Variants in SALL4 observed in about 807,000 individuals in gnomAD.
SALL4 encodes the protein sal-like protein 4.
In SALL4, 4 loss-of-function variants were observed where a neutral mutation model predicts 60.8. The ratio of observed to expected loss-of-function variants is 0.07; its 90% CI spans 0.03 to 0.15. The LOEUF is 0.15. Among genes scored for constraint, SALL4 ranks in the 10% least tolerant of loss-of-function variants. SALL4 has a pLI of 1.00. For synonymous variants in SALL4, 580 were observed against 574.9 expected (o/e 1.01, Z -0.13); for missense variants, 1,178 against 1,394.7 (o/e 0.84, Z 2.48).
At position 51,801,919 on chromosome 20, in the gene SALL4, AGG is replaced by A. The variant is rs11469206; in HGVS notation, c.130+358_130+359del. Reference sequence around the variant, plus strand: ...GCGAGGGAGGGGGACCTAAGTTACAAGGGGGGGGGGTAACACCAGTGAGGGGA... The same window carrying A: ...GCGAGGGAGGGGGACCTAAGTTACAAGGGGGGGGTAACACCAGTGAGGGGA... On this transcript the variant is annotated intron_variant, in intron 1 of 3. Transcript: ENST00000217086. This position sits in a 1 kb window ranked among gnomAD's most constrained non-coding sequence, Gnocchi z 5.2. 0.29 allele frequency among the ~76,000 whole-genome samples: 30,815 copies of A among 105,372 alleles called. 4,238 individuals carry two copies. Among genetic ancestry groups the A allele is most frequent in the East Asian group, 0.48 (1,840 of 3,830 alleles). The allele number at this position is 105,372 out of a possible 152,430, so 69.1% of individuals were successfully genotyped here.
At chr20:51,793,403 G>A (rs990105596) in intron 1 of SALL4, among the ~76,000 whole-genome samples, 3 of 152,016 alleles carry the variant, frequency 2.0e-5, no homozygotes, top group South Asian at 2.1e-4. Context: ...CAGGAGAACC[G>A]CTTGAGCCTG....
chr20:51,798,621 A>G (rs1439196163), intron 1 of SALL4, among the ~76,000 whole-genome samples: 1 of 152,140 alleles, frequency 6.6e-6, no homozygotes, highest in African/African-American at 2.4e-5. Context: ...CAATTTTTCC[A>G]GGGTAGTACA....
chr20:51,784,423 A>T lies in SALL4; in HGVS notation c.3004T>A (p.Leu1002Met), dbSNP rs759801217. The part of the protein sequence containing the change: ...SGGVPTLPVS[L>M]GATSVVNNAT... ...TTATTCACAACGGAGGTGGCCCCCA[A>T]GGAAACCGGGAGGGTAGGAACCCCC... Residue 1002 changes from leucine (L) to methionine (M), a missense_variant, in exon 4 of 4, where the codon TTG (leucine) becomes ATG (methionine). Coordinates refer to ENST00000217086, the MANE Select transcript of SALL4 (RefSeq NM_020436.5). 12 of 1,614,042 alleles carry T rather than the reference A, an allele frequency of 7.4e-6. No individual in the cohort carries two copies. In the South Asian group the frequency reaches 1.3e-4, roughly 18 times the overall value.
At chr20:51,792,608 G>C (rs1469080468) in intron 1 of SALL4, among the ~76,000 whole-genome samples, 1 of 140,044 alleles carries the variant, frequency 7.1e-6, no homozygotes, top group Non-Finnish European at 1.5e-5. Flanking sequence ...AGAATTGCTT[G>C]AACCCAGGAG....
rs1197067829 is a variant in SALL4 at position 51,783,861 on chromosome 20, A to G, written c.*404T>C. ...CATGGTGAAACCCAGTCTCTACTCA[A>G]AATACAAAATTAGCCGGGCGTGGTG... On this transcript the variant is annotated 3_prime_UTR_variant, in exon 4 of 4. Transcript: ENST00000217086. 1.9e-5 allele frequency: 5 copies of G among 261,690 alleles called. No individual in the cohort carries two copies. Among genetic ancestry groups the G allele is most frequent in the Non-Finnish European group, 3.0e-5 (4 of 134,880 alleles). 16.2% of individuals were successfully genotyped at this position (261,690 alleles called of 1,614,324 possible).
At position 51,784,372 on chromosome 20, in the gene SALL4, A is replaced by G. The variant is rs2077975425; in HGVS notation, c.3055T>C (p.Ser1019Pro). 6.2e-7 allele frequency: 1 copy of G among 1,614,078 alleles called. No homozygotes were observed. The highest frequency in any genetic ancestry group is 1.7e-5 in the Admixed American group (1 of 59,982). ...ACATCTGCACTGATACCCGACTGGGAGCCATCCATCTTGGAGACAGTGGCG... is the reference window on the plus strand; with the variant it reads ...ACATCTGCACTGATACCCGACTGGGGGCCATCCATCTTGGAGACAGTGGCG... ...NNATVSKMDG[S>P]QSGISADVEK... The change falls in exon 4 of 4, where the codon TCC becomes CCC. Residue 1019 changes from serine to proline, a missense_variant. By Grantham distance (74) the Ser-to-Pro change is moderately conservative. Around this residue, in one of 5 missense-constraint regions of SALL4, gnomAD observed 174 missense variants for 169.6 expected, o/e 1.03. Coordinates refer to ENST00000217086, the MANE Select transcript of SALL4 (RefSeq NM_020436.5).
At position 51,784,058 on chromosome 20, in the gene SALL4, T is replaced by A. The variant is rs891253888; in HGVS notation, c.*207A>T. On this transcript the variant is annotated 3_prime_UTR_variant, in exon 4 of 4. Coordinates refer to ENST00000217086, the MANE Select transcript of SALL4 (RefSeq NM_020436.5). ...CTGTATTTGTTTTGGTATGCATTTT[T>A]TTTTTATTTTTTCAACTTTTTGCAA... is the stretch of plus-strand genomic sequence containing the variant. The A allele has an allele frequency of 1.6e-5, 10 of 615,634 alleles. No individual in the cohort carries two copies. Among genetic ancestry groups the A allele is most frequent in the Non-Finnish European group, 2.8e-5 (10 of 354,022 alleles). 38.1% of individuals were successfully genotyped at this position (615,634 alleles called of 1,614,324 possible). A position where few individuals can be genotyped will look rare whatever the true frequency, so the allele number is the denominator to read the frequency against.
Position 51,790,795 on chromosome 20 carries a change from G to C in SALL4, c.1688C>G (p.Thr563Ser). 1 of 1,614,178 alleles carries C rather than the reference G, an allele frequency of 6.2e-7. No individual in the cohort carries two copies. Among genetic ancestry groups the C allele is most frequent in the Non-Finnish European group, 8.5e-7 (1 of 1,180,046 alleles). ...GCAAATGAGACATTCGTTGGGATCA[G>C]TGGTGGCCTTGTCAATGTTCTCCAC... The part of the protein sequence containing the change: ...QLVENIDKAT[T>S]DPNECLICHR... The change falls in exon 2 of 4, where the codon ACT becomes AGT. Residue 563 changes from threonine (T) to serine (S), a missense_variant. This residue lies in a region of SALL4 where 853 missense variants were observed against 1,036.8 expected (regional missense o/e 0.82). Coordinates refer to ENST00000217086, the MANE Select transcript of SALL4 (RefSeq NM_020436.5). This position sits in a 1 kb window ranked among gnomAD's most constrained non-coding sequence, Gnocchi z 5.5.
rs769006844 is a variant in SALL4, at chr20:51,801,121, C to T, written c.130+1158G>A. Among the ~76,000 whole-genome samples the T allele has an allele frequency of 2.0e-5, 3 of 152,076 alleles. No homozygotes were observed. The highest frequency in any genetic ancestry group is 4.4e-5 in the Non-Finnish European group (3 of 68,018). ...GGCCGGAGAGGAGGCTACAAATCCC[C>T]CCTCCCCCCACGCGCACGCTAAAAA... On this transcript the variant is annotated intron_variant, in intron 1 of 3. Transcript: ENST00000217086. This position sits in a 1 kb window ranked among gnomAD's most constrained non-coding sequence, Gnocchi z 5.2.
At chr20:51,785,072 G>A (rs2077982338) in intron 3 of SALL4, among the ~76,000 whole-genome samples, 1 of 152,104 alleles carries the variant, frequency 6.6e-6, no homozygotes, top group Non-Finnish European at 1.5e-5. Context: ...GGAAGCTGAG[G>A]TGGGCAGATC....
chr20:51,792,058 T>C lies in SALL4; in HGVS notation c.425A>G (p.Asp142Gly), dbSNP rs1056043687. Reference protein sequence around the residue: ...CHRENGGSSEDMKEKPDAESV... With the variant: ...CHRENGGSSEGMKEKPDAESV... ...CTCCGCATCCGGCTTCTCCTTCATG[T>C]CCTCTGAGCTGCCGCCATTCTCCCT... is the stretch of plus-strand genomic sequence containing the variant. The change falls in exon 2 of 4, where the codon GAC (aspartate) becomes GGC (glycine). Residue 142 changes from aspartate to glycine, a missense_variant. By Grantham distance (94) the Asp-to-Gly change is moderately conservative. Around this residue, in one of 5 missense-constraint regions of SALL4, gnomAD observed 853 missense variants for 1,036.8 expected, o/e 0.82. Coordinates refer to ENST00000217086, the MANE Select transcript of SALL4 (RefSeq NM_020436.5). 24 of 1,614,052 alleles carry C rather than the reference T, an allele frequency of 1.5e-5. No homozygotes were observed. The highest frequency in any genetic ancestry group is 1.8e-5 in the Non-Finnish European group (21 of 1,180,032).
At position 51,790,914 on chromosome 20, in the gene SALL4, C is replaced by T; in HGVS notation, c.1569G>A (p.Gly523=). 6.2e-7 allele frequency: 1 copy of T among 1,614,100 alleles called. No homozygotes were observed. The highest frequency in any genetic ancestry group is 2.2e-5 in the East Asian group (1 of 44,866). Residue 523 remains glycine, a synonymous_variant, in exon 2 of 4, where the codon GGG becomes GGA. Coordinates refer to ENST00000217086, the MANE Select transcript of SALL4 (RefSeq NM_020436.5). The surrounding 1 kb of genome is among the most constrained non-coding windows in gnomAD (Gnocchi z 5.5). ...TTGGGGAATTATAGTTTGGTCCCAC[C>T]CCAGGGAGTGTGGGTCCACCCTCAC... ...PESEGGPTLP[G]VGPNYNSPRA...
chr20:51,802,516 G>C lies in SALL4; in HGVS notation c.-108C>G. On this transcript the variant is annotated 5_prime_UTR_variant, in exon 1 of 4. Coordinates refer to ENST00000217086, the MANE Select transcript of SALL4 (RefSeq NM_020436.5). ...CTTCGGCCGGAACGCGCATGTCCCA[G>C]TAATTATTATTATCAATAATGCATT... 6.6e-7 allele frequency: 1 copy of C among 1,523,800 alleles called. No homozygotes were observed. Among genetic ancestry groups the C allele is most frequent in the Non-Finnish European group, 8.9e-7 (1 of 1,119,846 alleles). 94.4% of individuals were successfully genotyped at this position (1,523,800 alleles called of 1,614,324 possible).
intron 3 of SALL4, 82 bp from the exon 4 acceptor site, chr20:51,784,766 A>G: frequency 6.8e-7 from 1 of 1,474,312 alleles, no homozygotes; most frequent in African/African-American, 1.4e-5. Context: ...CTGCATATGG[A>G]TTTCATTCTA....
intron 1 of SALL4, among the ~76,000 whole-genome samples, chr20:51,793,967 A>G (rs1281458685): frequency 2.6e-5 from 4 of 152,192 alleles, no homozygotes; most frequent in Non-Finnish European, 5.9e-5. Flanking sequence ...TTGCCTATCA[A>G]TAACAGGTAG....
rs762908981 is a variant in SALL4 at position 51,790,851 on chromosome 20, T to G, written c.1632A>C (p.Pro544=). The G allele has an allele frequency of 2.5e-6, 4 of 1,614,028 alleles. No individual in the cohort carries two copies. Among genetic ancestry groups the G allele is most frequent in the South Asian group, 2.2e-5 (2 of 91,082 alleles). The change falls in exon 2 of 4, where the codon CCA becomes CCC. Residue 544 remains proline (P), a synonymous_variant. Transcript: ENST00000217086. The surrounding 1 kb of genome is among the most constrained non-coding windows in gnomAD (Gnocchi z 5.5). ...GCTGCAATTTCAGGGTCTCTGACCCTGGCTCAGGGGTCCCACTCCCTTGGA... is the reference window on the plus strand; with the variant it reads ...GCTGCAATTTCAGGGTCTCTGACCCGGGCTCAGGGGTCCCACTCCCTTGGA... ...GGFQGSGTPE[P]GSETLKLQQL... is the part of the protein sequence containing the mutation.
chr20:51,784,691 G>A lies in SALL4; in HGVS notation c.2743-7C>T, dbSNP rs2077980078. ...CGTGTGTCATGTAGTGAACCTATGGGAACAGGACAGAAAGGTTTTTACCAA... is the reference window on the plus strand; with the variant it reads ...CGTGTGTCATGTAGTGAACCTATGGAAACAGGACAGAAAGGTTTTTACCAA... On this transcript the variant is annotated splice_polypyrimidine_tract_variant and splice_region_variant and intron_variant, in intron 3 of 3. Coordinates refer to ENST00000217086, the MANE Select transcript of SALL4 (RefSeq NM_020436.5). 1 of 1,614,020 alleles carries A rather than the reference G, an allele frequency of 6.2e-7. No individual in the cohort carries two copies. Among genetic ancestry groups the A allele is most frequent in the Non-Finnish European group, 8.5e-7 (1 of 1,180,034 alleles).
Position 51,782,879 on chromosome 20 carries a change from A to C in SALL4, c.*1386T>G, listed in dbSNP as rs1161472070. 1 of 152,206 alleles carries C rather than the reference A, an allele frequency of 6.6e-6. No individual in the cohort carries two copies. Among genetic ancestry groups the C allele is most frequent in the African/African-American group, 2.4e-5 (1 of 41,444 alleles). The allele number at this position is 152,206 out of a possible 1,614,324, so 9.4% of individuals were successfully genotyped here. A position where few individuals can be genotyped will look rare whatever the true frequency, so the allele number is the denominator to read the frequency against. On this transcript the variant is annotated 3_prime_UTR_variant, in exon 4 of 4. Transcript: ENST00000217086. ...GCCTGGGAATACTTCAGCGGTCTTA[A>C]AATAGGAAAATAGACACTATGGCTA...
Position 51,802,464 on chromosome 20 carries a change from A to G in SALL4, c.-56T>C. ...CAGTTATTTGCCCTCTCCGCCACAAATTCCTGGAGTTGGGAAATTTACCCC... is the reference window on the plus strand; with the variant it reads ...CAGTTATTTGCCCTCTCCGCCACAAGTTCCTGGAGTTGGGAAATTTACCCC... On this transcript the variant is annotated 5_prime_UTR_variant, in exon 1 of 4. Coordinates refer to ENST00000217086, the MANE Select transcript of SALL4 (RefSeq NM_020436.5). The G allele has an allele frequency of 6.2e-7, 1 of 1,610,762 alleles. No homozygotes were observed. Among genetic ancestry groups the G allele is most frequent in the Non-Finnish European group, 8.5e-7 (1 of 1,179,134 alleles).
Sources: allele counts gnomAD v4.1 joint callset (sites outside exome capture counted in the v4.1 genomes callset), GRCh38; gene constraint gnomAD v4.1.1; regional missense constraint gnomAD v4.1.1; non-coding constraint Gnocchi (gnomAD v3.1); transcripts MANE v1.5; gene names NCBI Gene and HGNC (gene_info 2026-07-23, HGNC 2026-07-21).